Variants in CASR observed in about 807,000 individuals in gnomAD.
CASR encodes the protein extracellular calcium-sensing receptor.
In CASR, 23 loss-of-function variants were observed where a neutral mutation model predicts 69.1. That is an observed-to-expected ratio of 0.33 (90% CI 0.24 to 0.47). The LOEUF (loss-of-function observed/expected upper bound fraction) is 0.47. CASR is among the 20% of genes least tolerant of loss of function. CASR has a pLI of 1.00. For synonymous variants in CASR, 541 were observed against 544.7 expected, an observed-to-expected ratio of 0.99 and a Z score of 0.10; for missense variants, 924 against 1,356.1, an observed-to-expected ratio of 0.68 and a Z score of 5.00.
rs1489604903 is a variant in CASR, at chr3:122,261,887, C to A, written c.852C>A (p.Val284=). ...TTGAGCCCCTCATCAAGGAGATTGT[C>A]CGGCGCAATATCACGGGCAAGATCT... is the stretch of plus-strand genomic sequence containing the variant. ...PDLEPLIKEI[V]RRNITGKIWL... The change falls in exon 4 of 7, where the codon GTC becomes GTA. Residue 284 remains valine, a synonymous_variant. Coordinates refer to ENST00000639785, the MANE Select transcript of CASR (RefSeq NM_000388.4). 3 of 1,614,126 alleles carry A rather than the reference C, an allele frequency of 1.9e-6. No homozygotes were observed. In the East Asian group the frequency reaches 6.7e-5, roughly 36 times the overall value.
chr3:122,225,981 C>A (rs1212940442), intron 1 of CASR, among the ~76,000 whole-genome samples: 1 of 152,100 alleles, frequency 6.6e-6, no homozygotes, highest in African/African-American at 2.4e-5. Flanking sequence ...AAACAGAAAA[C>A]CAAATACTTC....
chr3:122,284,897 G>C lies in CASR; in HGVS notation c.2943G>C (p.Glu981Asp). Residue 981 changes from glutamate (E) to aspartate (D), a missense_variant, in exon 7 of 7, where the codon GAG becomes GAC. Around this residue, in one of 8 missense-constraint regions of CASR, gnomAD observed 201 missense variants for 228.8 expected, o/e 0.88. Coordinates refer to ENST00000639785, the MANE Select transcript of CASR (RefSeq NM_000388.4). ...TCACCTTCTCACTGAGCTTTGATGAGCCTCAGAAGAACGCCATGGCCCACA... is the reference window on the plus strand; with the variant it reads ...TCACCTTCTCACTGAGCTTTGATGACCCTCAGAAGAACGCCATGGCCCACA... ...GTVTFSLSFD[E>D]PQKNAMAHRN... 1 of 1,614,190 alleles carries C rather than the reference G, an allele frequency of 6.2e-7. No individual in the cohort carries two copies. The highest frequency in any genetic ancestry group is 8.5e-7 in the Non-Finnish European group (1 of 1,180,016).
At chr3:122,186,636 T>A (rs1417970586) in intron 1 of CASR, among the ~76,000 whole-genome samples, 1 of 152,182 alleles carries the variant, frequency 6.6e-6, no homozygotes, top group Non-Finnish European at 1.5e-5. Flanking sequence ...ATTGACTATA[T>A]GTTATTACAA....
intron 1 of CASR, among the ~76,000 whole-genome samples, chr3:122,190,860 G>A (rs763616704): frequency 6.6e-6 from 1 of 152,206 alleles, no homozygotes; most frequent in South Asian, 2.1e-4. Flanking sequence ...GGCTGAGCAG[G>A]GAAGGTATTA....
chr3:122,187,799 G>T (rs1402261440), intron 1 of CASR, among the ~76,000 whole-genome samples: 6 of 152,172 alleles, frequency 3.9e-5, no homozygotes, highest in East Asian at 1.9e-4. Context: ...TCTAGGACCT[G>T]CAAGTGGTTC....
chr3:122,193,609 T>C (rs1321568671), intron 1 of CASR, among the ~76,000 whole-genome samples: 1 of 152,216 alleles, frequency 6.6e-6, no homozygotes, highest in Non-Finnish European at 1.5e-5. Flanking sequence ...CATGTGCCAG[T>C]AACACAGTTA....
intron 1 of CASR, among the ~76,000 whole-genome samples, chr3:122,252,576 G>A (rs994903323): frequency 6.6e-6 from 1 of 151,688 alleles, no homozygotes; most frequent in Non-Finnish European, 1.5e-5. Flanking sequence ...AATAAATGAT[G>A]GTGGACTAAA....
intron 3 of CASR, chr3:122,257,653 G>T: frequency 2.7e-6 from 1 of 372,708 alleles, no homozygotes. Flanking sequence ...GAGGCATTCA[G>T]TTATTTATTT....
intron 1 of CASR, among the ~76,000 whole-genome samples, chr3:122,222,838 T>A (rs200589478): frequency 2.0e-5 from 3 of 149,772 alleles, no homozygotes; most frequent in African/African-American, 2.5e-5. Context: ...CTCAACAAAT[T>A]AAAAAAAAAA....
At chr3:122,231,544 A>G (rs1030456422) in intron 1 of CASR, among the ~76,000 whole-genome samples, 11 of 152,254 alleles carry the variant, frequency 7.2e-5, no homozygotes, top group Non-Finnish European at 1.2e-4. Flanking sequence ...ACAGAGGCAC[A>G]TAAGGAAAAG....
chr3:122,245,358 T>C (rs552049921), intron 1 of CASR: 17 of 152,318 alleles, frequency 1.1e-4, no homozygotes, highest in African/African-American at 4.1e-4. Context: ...AGTGTACATG[T>C]TTATTTTATT....
At chr3:122,255,959 A>G (rs2074550644) in intron 2 of CASR, among the ~76,000 whole-genome samples, 1 of 152,220 alleles carries the variant, frequency 6.6e-6, no homozygotes, top group Non-Finnish European at 1.5e-5. Context: ...GATTCAGCAC[A>G]TTTACTGAGC....
rs1172993116 is a variant in CASR at position 122,284,510 on chromosome 3, C to T, written c.2556C>T (p.Ile852=). 3 of 1,613,510 alleles carry T rather than the reference C, an allele frequency of 1.9e-6. No individual in the cohort carries two copies. The African/African-American group carries it at 4.0e-5, about 22-fold the overall frequency. The change falls in exon 7 of 7, where the codon ATC becomes ATT. Residue 852 remains isoleucine (I), a synonymous_variant. Transcript: ENST00000639785. ...CCAGCTTTGGCTTGCTGGCGTGCAT[C>T]TTCTTCAACAAGATCTACATCATTC... ...LAASFGLLAC[I]FFNKIYIILF... is the part of the protein sequence containing the mutation.
chr3:122,284,572 G>A lies in CASR; in HGVS notation c.2618G>A (p.Arg873His). Residue 873 changes from arginine to histidine, a missense_variant, in exon 7 of 7, where the codon CGT becomes CAT. By Grantham distance (29) the Arg-to-His change is conservative. Transcript: ENST00000639785. ...KPSRNTIEEV[R>H]CSTAAHAFKV... ...TCCCGCAACACCATCGAGGAGGTGC[G>A]TTGCAGCACCGCAGCTCACGCTTTC... 1 of 1,614,096 alleles carries A rather than the reference G, an allele frequency of 6.2e-7. No individual in the cohort carries two copies. Among genetic ancestry groups the A allele is most frequent in the East Asian group, 2.2e-5 (1 of 44,884 alleles).
intron 1 of CASR, among the ~76,000 whole-genome samples, chr3:122,199,342 G>A (rs2073920063): frequency 6.6e-6 from 1 of 152,098 alleles, no homozygotes. Context: ...TGATCTTTGG[G>A]CATTTTATCC....
intron 1 of CASR, among the ~76,000 whole-genome samples, chr3:122,234,562 G>C (rs2074310906): frequency 6.6e-6 from 1 of 152,224 alleles, no homozygotes; most frequent in South Asian, 2.1e-4. Flanking sequence ...GCAAACATGA[G>C]AGGATGGAAT....
intron 1 of CASR, among the ~76,000 whole-genome samples, chr3:122,211,813 TCAA>T (rs2074070061): frequency 6.6e-6 from 1 of 152,092 alleles, no homozygotes; most frequent in Non-Finnish European, 1.5e-5. Flanking sequence ...GAAAAAAAGT[TCAA>T]CATCACTGAT....
At chr3:122,219,067 T>C (rs1231190727) in intron 1 of CASR, among the ~76,000 whole-genome samples, 5 of 152,202 alleles carry the variant, frequency 3.3e-5, no homozygotes, top group African/African-American at 1.2e-4. Context: ...GGAGGAATTG[T>C]ATAAAATGGG....
At chr3:122,269,057 A>C (rs1342590922) in intron 4 of CASR, among the ~76,000 whole-genome samples, 1 of 152,270 alleles carries the variant, frequency 6.6e-6, no homozygotes, top group Non-Finnish European at 1.5e-5. Flanking sequence ...GCCTCCTAAG[A>C]ATCTTTATCA....
Sources: gnomAD v4.1 joint callset for allele counts (sites outside exome capture counted in the v4.1 genomes callset) on GRCh38, gnomAD v4.1.1 for gene constraint, gnomAD v4.1.1 regional missense constraint, MANE v1.5 for transcripts, NCBI Gene and HGNC (gene_info 2026-07-23, HGNC 2026-07-21) for gene names.